GRM7: variants seen among roughly 807,000 people sequenced by gnomAD.
GRM7 encodes the protein metabotropic glutamate receptor 7.
A neutral mutation model predicts 84.5 loss-of-function variants in GRM7; 35 were observed. The observed-to-expected ratio is 0.41, with a 90% CI of 0.32 to 0.55. The LOEUF (loss-of-function observed/expected upper bound fraction) is 0.55, where lower values mean the gene tolerates loss of function less well. Among genes scored for constraint, GRM7 ranks in the 20% least tolerant of loss-of-function variants. The pLI is 0.19. For missense variants in GRM7, 1,003 were observed against 1,194.6 expected (o/e 0.84, Z 2.36); for synonymous variants, 487 against 455.1 (o/e 1.07, Z -0.89).
At chr3:7,187,010 G>C (rs1469066243) in intron 2 of GRM7, among the ~76,000 whole-genome samples, 8 of 152,210 alleles carry the variant, frequency 5.3e-5, no homozygotes, top group African/African-American at 1.9e-4. Flanking sequence ...CTGGAGCCTA[G>C]GCAGAGGACT....
Position 7,011,589 on chromosome 3 carries a change from A to G in GRM7, c.520-134863A>G, listed in dbSNP as rs73128588. ...AGTAATTATCTCCTATTTTTCATTT[A>G]CATAGCTATCACTCAATGCCAGTGG... On this transcript the variant is annotated intron_variant, in intron 1 of 9. Transcript: ENST00000357716. 2.6e-3 allele frequency among the ~76,000 whole-genome samples: 393 copies of G among 152,314 alleles called. 2 individuals carry two copies. Among genetic ancestry groups the G allele is most frequent in the African/African-American group, 9.1e-3 (380 of 41,576 alleles).
chr3:7,054,372 GAT>G lies in GRM7; in HGVS notation c.520-92077_520-92076del, dbSNP rs368670015. 6.0e-3 allele frequency among the ~76,000 whole-genome samples: 900 copies of G among 149,202 alleles called. 8 individuals carry two copies. Among genetic ancestry groups the G allele is most frequent in the Middle Eastern group, 0.037 (10 of 272 alleles). On this transcript the variant is annotated intron_variant, in intron 1 of 9. Transcript: ENST00000357716. ...TATATGATATATGTATGATATATAT[GAT>G]ATCTTTTATGATATATATATCATAA...
intron 8 of GRM7, among the ~76,000 whole-genome samples, chr3:7,679,521 T>C (rs1172851698): frequency 6.6e-6 from 1 of 152,208 alleles, no homozygotes; most frequent in Non-Finnish European, 1.5e-5. Flanking sequence ...ATCTTAGTTT[T>C]CAGAGAAAGT....
chr3:7,662,767 T>C (rs915060788), intron 8 of GRM7, among the ~76,000 whole-genome samples: 1 of 152,250 alleles, frequency 6.6e-6, no homozygotes, highest in Non-Finnish European at 1.5e-5. Flanking sequence ...AGTGTACAGA[T>C]GTTCTTTGTC....
chr3:7,417,898 A>G (rs1316854397), intron 5 of GRM7, among the ~76,000 whole-genome samples: 1 of 152,134 alleles, frequency 6.6e-6, no homozygotes, highest in Non-Finnish European at 1.5e-5. Flanking sequence ...GATGAGACCC[A>G]TACTATTTGG....
Position 6,861,963 on chromosome 3 carries a change from C to T in GRM7, c.519+56C>T. 1 of 1,468,480 alleles carries T rather than the reference C, an allele frequency of 6.8e-7. No homozygotes were observed. Among genetic ancestry groups the T allele is most frequent in the South Asian group, 1.3e-5 (1 of 78,312 alleles). The allele number at this position is 1,468,480 out of a possible 1,614,324, so 91.0% of individuals were successfully genotyped here. On this transcript the variant is annotated intron_variant, in intron 1 of 9. Transcript: ENST00000357716. The surrounding 1 kb of genome is among the most constrained non-coding windows in gnomAD (Gnocchi z 6.4). ...CACAGTGGCTACCTGCGCCCTTAAC[C>T]CTAAAAGCTGGCTTGGACTCCGGTG...
At chr3:7,275,370 G>A (rs1699014450) in intron 2 of GRM7, among the ~76,000 whole-genome samples, 1 of 152,092 alleles carries the variant, frequency 6.6e-6, no homozygotes, top group African/African-American at 2.4e-5. Context: ...TAGGCATGAT[G>A]TACCTGCTAA....
chr3:7,676,142 G>A (rs1700112188), intron 8 of GRM7, among the ~76,000 whole-genome samples: 1 of 152,130 alleles, frequency 6.6e-6, no homozygotes, highest in Non-Finnish European at 1.5e-5. Context: ...TATACAATAA[G>A]CATCAGGTAA....
At chr3:7,351,496 T>G (rs565385423) in intron 4 of GRM7, among the ~76,000 whole-genome samples, 26 of 152,240 alleles carry the variant, frequency 1.7e-4, no homozygotes, top group African/African-American at 6.3e-4. Context: ...TTGACTGGAT[T>G]GAAGGTTGCA....
intron 2 of GRM7, among the ~76,000 whole-genome samples, chr3:7,287,426 A>G (rs922365587): frequency 3.3e-5 from 5 of 152,180 alleles, no homozygotes; most frequent in African/African-American, 9.6e-5. Flanking sequence ...TTTGCCCTCT[A>G]TTGTTAACAA....
At chr3:7,480,687 T>C (rs532974548) in intron 7 of GRM7, among the ~76,000 whole-genome samples, 19 of 152,340 alleles carry the variant, frequency 1.2e-4, no homozygotes, top group Middle Eastern at 3.4e-3. Context: ...CAGATTTGAA[T>C]TGTGGGTATT....
intron 1 of GRM7, among the ~76,000 whole-genome samples, chr3:7,072,122 A>G (rs999720691): frequency 1.3e-5 from 2 of 152,082 alleles, no homozygotes; most frequent in African/African-American, 4.8e-5. Context: ...TAATATGCCC[A>G]GTTCATACTG....
At chr3:7,141,964 T>C (rs946348028) in intron 1 of GRM7, among the ~76,000 whole-genome samples, 1 of 152,056 alleles carries the variant, frequency 6.6e-6, no homozygotes, top group Non-Finnish European at 1.5e-5. Flanking sequence ...AAACCTCAAA[T>C]ATTTTTGTTA....
intron 1 of GRM7, among the ~76,000 whole-genome samples, chr3:6,920,350 T>G (rs1014241663): frequency 1.3e-5 from 2 of 151,686 alleles, no homozygotes; most frequent in African/African-American, 4.8e-5. Flanking sequence ...AGGTCATGAG[T>G]TCAAGACCAG....
chr3:7,354,306 G>A (rs949960593), intron 4 of GRM7, among the ~76,000 whole-genome samples: 1 of 152,106 alleles, frequency 6.6e-6, no homozygotes, highest in Non-Finnish European at 1.5e-5. Context: ...TCTAATTAGT[G>A]TAGAGCTTAT....
rs368021869 is a variant in GRM7, at chr3:6,910,354, A to C, written c.519+48447A>C. Among the ~76,000 whole-genome samples the C allele has an allele frequency of 3.9e-5, 6 of 152,272 alleles. No homozygotes were observed. In the South Asian group the frequency reaches 1.2e-3, roughly 32 times the overall value. Reference sequence around the variant, plus strand: ...CACATGGTGGAGGCAAATGTAGTTCAGGCAATTATTTCTTAACAGATCACC... The same window carrying C: ...CACATGGTGGAGGCAAATGTAGTTCCGGCAATTATTTCTTAACAGATCACC... On this transcript the variant is annotated intron_variant, in intron 1 of 9. Coordinates refer to ENST00000357716, the MANE Select transcript of GRM7 (RefSeq NM_000844.4).
intron 2 of GRM7, among the ~76,000 whole-genome samples, chr3:7,257,487 A>G (rs1028648429): frequency 6.6e-5 from 10 of 152,150 alleles, no homozygotes; most frequent in Admixed American, 4.6e-4. Flanking sequence ...GTATTCAGAG[A>G]TGGAAGCTGT....
At chr3:6,888,990 G>T (rs1012607149) in intron 1 of GRM7, among the ~76,000 whole-genome samples, 2,101 of 152,142 alleles carry the variant, frequency 0.014, 50 homozygotes, top group African/African-American at 0.048. Context: ...TCTCTTTGAA[G>T]CAATTGTGAA....
chr3:7,536,905 G>T (rs1468186790), intron 7 of GRM7, among the ~76,000 whole-genome samples: 1 of 152,140 alleles, frequency 6.6e-6, no homozygotes, highest in Non-Finnish European at 1.5e-5. Context: ...ATAAATATTT[G>T]TTAAGTTACA....
Sources: gnomAD v4.1 joint callset for allele counts (sites outside exome capture counted in the v4.1 genomes callset) on GRCh38, gnomAD v4.1.1 for gene constraint, Gnocchi (gnomAD v3.1) non-coding constraint, MANE v1.5 for transcripts, NCBI Gene and HGNC (gene_info 2026-07-23, HGNC 2026-07-21) for gene names.